ETV6: variants seen among roughly 807,000 people sequenced by gnomAD.
ETV6 encodes ETS variant transcription factor 6.
In ETV6, 16 loss-of-function variants were observed where a neutral mutation model predicts 51.1. That is an observed-to-expected ratio of 0.31 (90% CI 0.21 to 0.48). ETV6 has a LOEUF of 0.48. ETV6 is among the 20% of genes least tolerant of loss of function. The pLI is 0.99. For synonymous variants in ETV6, 240 were observed against 224.1 expected, an observed-to-expected ratio of 1.07 and a Z score of -0.64; for missense variants, 458 against 594.8, an observed-to-expected ratio of 0.77 and a Z score of 2.39.
intron 1 of ETV6, among the ~76,000 whole-genome samples, chr12:11,691,636 A>G (rs1397081440): frequency 6.6e-6 from 1 of 152,218 alleles, no homozygotes; most frequent in Non-Finnish European, 1.5e-5. Flanking sequence ...TAACGTCTCG[A>G]CTGCCAGCAT....
At chr12:11,668,831 T>C (rs12829658) in intron 1 of ETV6, among the ~76,000 whole-genome samples, 10,138 of 152,226 alleles carry the variant, frequency 0.067, 526 homozygotes, top group African/African-American at 0.14. Context: ...CCTTACTGGC[T>C]ATCTTCAGAG....
intron 2 of ETV6, among the ~76,000 whole-genome samples, chr12:11,756,659 C>T (rs1024561038): frequency 1.9e-4 from 29 of 152,106 alleles, no homozygotes; most frequent in African/African-American, 6.8e-4. Flanking sequence ...CTTGTAGTCT[C>T]GCAAGGGAGG....
chr12:11,772,281 GTTTATC>G (rs1478531654), intron 2 of ETV6, among the ~76,000 whole-genome samples: 1 of 152,190 alleles, frequency 6.6e-6, no homozygotes, highest in Non-Finnish European at 1.5e-5. Flanking sequence ...AGAGATCACT[GTTTATC>G]TTAAACCACA....
chr12:11,673,896 T>C (rs1216540008), intron 1 of ETV6, among the ~76,000 whole-genome samples: 1 of 152,022 alleles, frequency 6.6e-6, no homozygotes, highest in East Asian at 1.9e-4. Flanking sequence ...GTGAGTGGAG[T>C]TGACTAACAA....
intron 2 of ETV6, among the ~76,000 whole-genome samples, chr12:11,806,662 T>C (rs900773038): frequency 1.3e-5 from 2 of 152,254 alleles, no homozygotes; most frequent in African/African-American, 4.8e-5. Flanking sequence ...AAGAGGCGGC[T>C]CGTCCTCAAG....
intron 2 of ETV6, among the ~76,000 whole-genome samples, chr12:11,770,921 G>C (rs1325287816): frequency 6.6e-6 from 1 of 151,944 alleles, no homozygotes; most frequent in Non-Finnish European, 1.5e-5. Flanking sequence ...AAGGAAAAAT[G>C]CCTATGCAAT....
At chr12:11,779,628 A>T (rs1231986266) in intron 2 of ETV6, among the ~76,000 whole-genome samples, 3 of 152,208 alleles carry the variant, frequency 2.0e-5, no homozygotes, top group African/African-American at 7.2e-5. Context: ...CCAGAAGGAA[A>T]ATATATAATG....
chr12:11,786,984 G>C (rs1945495920), intron 2 of ETV6, among the ~76,000 whole-genome samples: 1 of 152,174 alleles, frequency 6.6e-6, no homozygotes, highest in African/African-American at 2.4e-5. Context: ...AAATGATAGA[G>C]CTGAAAAAGA....
chr12:11,846,770 T>A (rs1390189581), intron 3 of ETV6, among the ~76,000 whole-genome samples: 1 of 152,240 alleles, frequency 6.6e-6, no homozygotes, highest in Admixed American at 6.5e-5. Context: ...CTGATTATTT[T>A]TTCAGTAGAT....
chr12:11,678,835 C>T (rs1193229062), intron 1 of ETV6, among the ~76,000 whole-genome samples: 1 of 152,072 alleles, frequency 6.6e-6, no homozygotes, highest in Non-Finnish European at 1.5e-5. Flanking sequence ...GATGAGATGT[C>T]CCAATGTAAG....
chr12:11,727,289 C>T (rs1311558286), intron 1 of ETV6, among the ~76,000 whole-genome samples: 3 of 152,202 alleles, frequency 2.0e-5, no homozygotes, highest in South Asian at 2.1e-4. Context: ...CAGACATGCC[C>T]GGCATCCCGC....
intron 1 of ETV6, among the ~76,000 whole-genome samples, chr12:11,672,712 C>T (rs1864343289): frequency 6.6e-6 from 1 of 152,218 alleles, no homozygotes; most frequent in Admixed American, 6.5e-5. Flanking sequence ...CTGACCCCCA[C>T]CACACGTGTT....
chr12:11,791,850 C>G (rs1320209872), intron 2 of ETV6, among the ~76,000 whole-genome samples: 1 of 151,980 alleles, frequency 6.6e-6, no homozygotes, highest in African/African-American at 2.4e-5. Context: ...ACAGATTCAC[C>G]TGGTGGTCGT....
At chr12:11,827,305 C>T (rs1348705761) in intron 2 of ETV6, among the ~76,000 whole-genome samples, 1 of 152,070 alleles carries the variant, frequency 6.6e-6, no homozygotes, top group African/African-American at 2.4e-5. Flanking sequence ...ATTCGACACC[C>T]AAAGGCAACC....
intron 1 of ETV6, among the ~76,000 whole-genome samples, chr12:11,669,464 T>C (rs1159571379): frequency 6.6e-6 from 1 of 151,566 alleles, no homozygotes; most frequent in African/African-American, 2.4e-5. Context: ...TTTCTTTCTT[T>C]CCTTTCTTCT....
chr12:11,812,943 G>A (rs547059429), intron 2 of ETV6, among the ~76,000 whole-genome samples: 4 of 152,188 alleles, frequency 2.6e-5, no homozygotes, highest in Non-Finnish European at 4.4e-5. Context: ...AGGCAGTGAG[G>A]GGCTCCCTGA....
intron 1 of ETV6, among the ~76,000 whole-genome samples, chr12:11,699,718 G>T (rs1425172072): frequency 2.6e-5 from 4 of 152,152 alleles, no homozygotes; most frequent in African/African-American, 4.8e-5. Flanking sequence ...TTCTGGGTCA[G>T]ACCCAGCCCC....
intron 5 of ETV6, among the ~76,000 whole-genome samples, chr12:11,871,705 CAG>C (rs1406968389): frequency 1.3e-5 from 2 of 152,232 alleles, no homozygotes; most frequent in East Asian, 3.9e-4. Flanking sequence ...AACGATCCTG[CAG>C]AGTTAGGGGG....
rs140746344 is a variant in ETV6, at chr12:11,772,894, T to C, written c.163+20315T>C. Among the ~76,000 whole-genome samples, 285 of 152,214 alleles carry C rather than the reference T, an allele frequency of 1.9e-3. 1 individual carries two copies. Among genetic ancestry groups the C allele is most frequent in the African/African-American group, 6.2e-3 (258 of 41,524 alleles). On this transcript the variant is annotated intron_variant, in intron 2 of 7. Coordinates refer to ENST00000396373, the MANE Select transcript of ETV6 (RefSeq NM_001987.5). Reference sequence around the variant, plus strand: ...GTCTCGGGAAGGTCCAAGATCAGGATTGAAGTATGAAAAATCTTGGCCAGG... The same window carrying C: ...GTCTCGGGAAGGTCCAAGATCAGGACTGAAGTATGAAAAATCTTGGCCAGG...
Sources: gnomAD v4.1 joint callset for allele counts (sites outside exome capture counted in the v4.1 genomes callset) on GRCh38, gnomAD v4.1.1 for gene constraint, MANE v1.5 for transcripts, NCBI Gene and HGNC (gene_info 2026-07-23, HGNC 2026-07-21) for gene names.